The following GABRA5 variants were observed in gnomAD, a reference collection of about 807,000 sequenced individuals.
GABRA5 encodes gamma-aminobutyric acid receptor subunit alpha-5.
Under a neutral mutation model 47.3 loss-of-function variants are expected in GABRA5, and 18 were observed. The observed-to-expected ratio is 0.38, with a 90% CI of 0.26 to 0.56. The LOEUF is 0.56. Ranked by LOEUF, GABRA5 falls within the 20% of genes least tolerant of loss-of-function variation. The pLI is 0.71. For missense variants in GABRA5, 365 were observed against 599.3 expected (o/e 0.61, Z 4.08); for synonymous variants, 237 against 229.3 (o/e 1.03, Z -0.30).
At chr15:26,898,575 G>A (rs1243531865) in intron 6 of GABRA5, among the ~76,000 whole-genome samples, 1 of 152,216 alleles carries the variant, frequency 6.6e-6, no homozygotes, top group Non-Finnish European at 1.5e-5. Context: ...TGGAAGACTG[G>A]CACCTGTAGG....
rs536074559 is a variant in GABRA5, at chr15:26,921,410, A to G, written c.580+6525A>G. Among the ~76,000 whole-genome samples the G allele has an allele frequency of 1.0e-3, 157 of 152,228 alleles. 1 individual carries two copies. Among genetic ancestry groups the G allele is most frequent in the African/African-American group, 3.4e-3 (143 of 41,558 alleles). On this transcript the variant is annotated intron_variant, in intron 7 of 10. Coordinates refer to ENST00000335625, the MANE Select transcript of GABRA5 (RefSeq NM_000810.4). ...ATATTAAATTTGTGTAGAGTTGTTC[A>G]TAGTTGTTATATTACTGTCTTGATG...
chr15:26,892,003 A>G (rs1477223327), intron 6 of GABRA5, among the ~76,000 whole-genome samples: 3 of 152,160 alleles, frequency 2.0e-5, no homozygotes, highest in Non-Finnish European at 4.4e-5. Flanking sequence ...GAAAATTCGG[A>G]GCAGCCACCG....
intron 6 of GABRA5, among the ~76,000 whole-genome samples, chr15:26,891,540 G>A (rs1893006189): frequency 6.6e-6 from 1 of 152,208 alleles, no homozygotes; most frequent in African/African-American, 2.4e-5. Context: ...TCCACGAGGT[G>A]GCGCCGTGGC....
rs1336903520 is a variant in GABRA5, at chr15:26,906,971, G to A, written c.498-7832G>A. ...TACGATGGTTTTCCCAACATAAATA[G>A]GAATTGCTGACATCTTCTTTTCAGT... On this transcript the variant is annotated intron_variant, in intron 6 of 10. Coordinates refer to ENST00000335625, the MANE Select transcript of GABRA5 (RefSeq NM_000810.4). Among the ~76,000 whole-genome samples the A allele has an allele frequency of 2.0e-5, 3 of 152,090 alleles. No homozygotes were observed. In the East Asian group the frequency reaches 5.8e-4, roughly 29 times the overall value.
chr15:26,928,934 C>T (rs1284293687), intron 7 of GABRA5, among the ~76,000 whole-genome samples: 1 of 152,100 alleles, frequency 6.6e-6, no homozygotes, highest in Admixed American at 6.5e-5. Context: ...GCATTAATCC[C>T]ATTCATGAGG....
chr15:26,888,492 A>G (rs1437604025), intron 6 of GABRA5, among the ~76,000 whole-genome samples: 4 of 152,094 alleles, frequency 2.6e-5, no homozygotes, highest in African/African-American at 9.7e-5. Context: ...AGCTGAACCC[A>G]GGGACTGGCC....
intron 7 of GABRA5, among the ~76,000 whole-genome samples, chr15:26,930,750 A>G (rs1181101259): frequency 2.6e-5 from 4 of 152,030 alleles, no homozygotes; most frequent in African/African-American, 4.8e-5. Context: ...TCTAGCACAC[A>G]TCTCTTCCAG....
At position 26,883,697 on chromosome 15, in the gene GABRA5, C is replaced by T. The variant is rs1892801480; in HGVS notation, c.497+140C>T. 1 of 679,030 alleles carries T rather than the reference C, an allele frequency of 1.5e-6. No individual in the cohort carries two copies. Among genetic ancestry groups the T allele is most frequent in the South Asian group, 2.0e-5 (1 of 49,588 alleles). 42.1% of individuals were successfully genotyped at this position (679,030 alleles called of 1,614,324 possible). A position where few individuals can be genotyped will look rare whatever the true frequency, so the allele number is the denominator to read the frequency against. ...CGGCGCGTGTGTGCTGGGGGTTCCC[C>T]GTTGCCATCTGCCCACACCAGCGCT... On this transcript the variant is annotated intron_variant, in intron 6 of 10. Transcript: ENST00000335625. This position sits in a 1 kb window ranked among gnomAD's most constrained non-coding sequence, Gnocchi z 4.8.
At chr15:26,905,324 C>T (rs1893420132) in intron 6 of GABRA5, among the ~76,000 whole-genome samples, 2 of 151,884 alleles carry the variant, frequency 1.3e-5, no homozygotes, top group African/African-American at 2.4e-5. Context: ...CTCCCACCAC[C>T]TCTGGGCTTC....
At chr15:26,884,982 T>C (rs929574073) in intron 6 of GABRA5, among the ~76,000 whole-genome samples, 8 of 152,096 alleles carry the variant, frequency 5.3e-5, no homozygotes, top group Non-Finnish European at 1.2e-4. Flanking sequence ...CAAGGACTGG[T>C]GCTCTTATCT....
At chr15:26,923,985 A>G (rs758060766) in intron 7 of GABRA5, among the ~76,000 whole-genome samples, 1 of 151,612 alleles carries the variant, frequency 6.6e-6, no homozygotes, top group Non-Finnish European at 1.5e-5. Flanking sequence ...GCATGTTTGT[A>G]CTTGGTCGTT....
intron 6 of GABRA5, among the ~76,000 whole-genome samples, chr15:26,901,308 C>T (rs1457699504): frequency 6.6e-6 from 1 of 152,192 alleles, no homozygotes; most frequent in African/African-American, 2.4e-5. Context: ...TGCTCCACAT[C>T]CTCTCCAGTG....
At chr15:26,911,367 GCATGCACACACACACA>G (rs1395117410) in intron 6 of GABRA5, among the ~76,000 whole-genome samples, 1 of 122,772 alleles carries the variant, frequency 8.1e-6, no homozygotes, top group Non-Finnish European at 1.7e-5. Flanking sequence ...CACCCTTGCT[GCATGCACACACACACA>G]CACACACACA....
Position 26,894,908 on chromosome 15 carries a change from A to G in GABRA5, c.497+11351A>G, listed in dbSNP as rs139273175. 7.3e-4 allele frequency among the ~76,000 whole-genome samples: 110 copies of G among 150,952 alleles called. No individual in the cohort carries two copies. The East Asian group carries it at 0.021, about 29-fold the overall frequency. ...GTTTCCGTGGGTCCGACTTCTGTCTATTTTATTTTCTGACATGGTTTAAAA... is the reference window on the plus strand; with the variant it reads ...GTTTCCGTGGGTCCGACTTCTGTCTGTTTTATTTTCTGACATGGTTTAAAA... On this transcript the variant is annotated intron_variant, in intron 6 of 10. Coordinates refer to ENST00000335625, the MANE Select transcript of GABRA5 (RefSeq NM_000810.4).
At chr15:26,947,393 CTCTT>C (rs34952272) in intron 10 of GABRA5, among the ~76,000 whole-genome samples, 2,429 of 152,254 alleles carry the variant, frequency 0.016, 61 homozygotes, top group African/African-American at 0.056. Flanking sequence ...TGTTGTTCCT[CTCTT>C]TGTGTTCATG....
intron 6 of GABRA5, among the ~76,000 whole-genome samples, chr15:26,911,371 GCA>G (rs111798012): frequency 0.11 from 13,029 of 118,332 alleles, 591 homozygotes; most frequent in Non-Finnish European, 0.12. Flanking sequence ...CTTGCTGCAT[GCA>G]CACACACACA....
At chr15:26,930,148 G>T (rs2140308338) in intron 7 of GABRA5, among the ~76,000 whole-genome samples, 1 of 151,916 alleles carries the variant, frequency 6.6e-6, no homozygotes, top group East Asian at 1.9e-4. Flanking sequence ...GAGTAGCTGG[G>T]ATTACAGGTG....
At chr15:26,928,557 G>A (rs1052034012) in intron 7 of GABRA5, among the ~76,000 whole-genome samples, 1 of 152,232 alleles carries the variant, frequency 6.6e-6, no homozygotes, top group Non-Finnish European at 1.5e-5. Flanking sequence ...GGACGTGAGG[G>A]TGGGGGGTCC....
chr15:26,889,848 G>C lies in GABRA5; in HGVS notation c.497+6291G>C, dbSNP rs911217526. 2.0e-5 allele frequency among the ~76,000 whole-genome samples: 3 copies of C among 152,280 alleles called. 1 individual carries two copies. Among genetic ancestry groups the C allele is most frequent in the East Asian group, 1.9e-4 (1 of 5,192 alleles). On this transcript the variant is annotated intron_variant, in intron 6 of 10. Coordinates refer to ENST00000335625, the MANE Select transcript of GABRA5 (RefSeq NM_000810.4). Reference sequence around the variant, plus strand: ...AAAGAGAATCAATGTTAATATTTTAGTGTGTATCATGTTTATGTGTCCCTG... The same window carrying C: ...AAAGAGAATCAATGTTAATATTTTACTGTGTATCATGTTTATGTGTCCCTG...
Sources: allele counts gnomAD v4.1 joint callset (sites outside exome capture counted in the v4.1 genomes callset), GRCh38; gene constraint gnomAD v4.1.1; non-coding constraint Gnocchi (gnomAD v3.1); transcripts MANE v1.5; gene names NCBI Gene and HGNC (gene_info 2026-07-23, HGNC 2026-07-21).